RTN4IP1: variants seen among roughly 807,000 people sequenced by gnomAD.
RTN4IP1 encodes the protein NAD(P)H oxidoreductase RTN4IP1, mitochondrial.
Under a neutral mutation model 46.6 loss-of-function variants are expected in RTN4IP1, and 32 were observed. That is an observed-to-expected ratio of 0.69 (90% CI 0.52 to 0.92). The LOEUF (loss-of-function observed/expected upper bound fraction) is 0.92. RTN4IP1 is among the 40% of genes least tolerant of loss of function. The pLI is 0.00. For synonymous variants in RTN4IP1, 167 were observed against 161.8 expected (o/e 1.03, Z -0.24); for missense variants, 424 against 485.8 (o/e 0.87, Z 1.20).
chr6:106,604,224 A>G (rs144975914), intron 4 of RTN4IP1, among the ~76,000 whole-genome samples: 2 of 152,240 alleles, frequency 1.3e-5, no homozygotes, highest in East Asian at 3.9e-4. Flanking sequence ...TGTCACCCTT[A>G]TTTATAGCTT....
intron 4 of RTN4IP1, among the ~76,000 whole-genome samples, chr6:106,611,913 G>A (rs755134340): frequency 1.2e-4 from 19 of 152,304 alleles, no homozygotes; most frequent in African/African-American, 4.6e-4. Context: ...TGAAGACTTA[G>A]TTAACCCATA....
chr6:106,599,797 T>C (rs1361585374), intron 5 of RTN4IP1, among the ~76,000 whole-genome samples: 1 of 151,876 alleles, frequency 6.6e-6, no homozygotes, highest in East Asian at 1.9e-4. Context: ...TATATCTATC[T>C]ATAGGTTATA....
rs1775520740 is a variant in RTN4IP1 at position 106,587,726 on chromosome 6, C to T, written c.943G>A (p.Asp315Asn). The T allele has an allele frequency of 6.2e-7, 1 of 1,613,578 alleles. No individual in the cohort carries two copies. The highest frequency in any genetic ancestry group is 1.1e-5 in the South Asian group (1 of 91,058). ...LLNMDRLGIADGMLQTGVTVG... is the reference protein window; with the variant it reads ...LLNMDRLGIANGMLQTGVTVG... ...GTGACTCCTGTCTGCAACATGCCAT[C>T]TGCTATGCCCAATCGGTCCATGTTC... The change falls in exon 7 of 9, where the codon GAT (aspartate) becomes AAT (asparagine). Residue 315 changes from aspartate (D) to asparagine (N), a missense_variant. By Grantham distance (23) the Asp-to-Asn change is conservative. Coordinates refer to ENST00000369063, the MANE Select transcript of RTN4IP1 (RefSeq NM_032730.5).
chr6:106,619,606 ATTTTTTT>A (rs869120910), intron 3 of RTN4IP1, among the ~76,000 whole-genome samples: 2 of 110,474 alleles, frequency 1.8e-5, no homozygotes. Context: ...ACTTTTCTTC[ATTTTTTT>A]TTTTTTTTTT....
chr6:106,572,026 T>G lies in RTN4IP1; in HGVS notation c.1161A>C (p.Ala387=). ...CAACATTAATTACAGTCTTTCCTCG[T>G]GCGTGTCCTCTTTCCACCTTCAGGA... The part of the protein sequence containing the change: ...EAFLKVERGH[A]RGKTVINVV The change falls in exon 9 of 9, where the codon GCA becomes GCC. Residue 387 remains alanine, a synonymous_variant. Coordinates refer to ENST00000369063, the MANE Select transcript of RTN4IP1 (RefSeq NM_032730.5). The G allele has an allele frequency of 6.2e-7, 1 of 1,613,440 alleles. No homozygotes were observed. The highest frequency in any genetic ancestry group is 8.5e-7 in the Non-Finnish European group (1 of 1,179,392).
intron 7 of RTN4IP1, among the ~76,000 whole-genome samples, chr6:106,585,201 C>CACTGGCTCACACCTA (rs1358809834): frequency 2.0e-5 from 3 of 152,222 alleles, no homozygotes; most frequent in African/African-American, 4.8e-5. Flanking sequence ...AGGCCAGGCA[C>CACTGGCTCACACCTA]ACTGGCTCAC....
rs985402892 is a variant in RTN4IP1 at position 106,614,864 on chromosome 6, G to A, written c.620+4338C>T. ...AAGAGTAAATGACTTGTAACCTCAC[G>A]AGATAGTTAACCTAGTCACTTAGAA... On this transcript the variant is annotated intron_variant, in intron 4 of 8. Transcript: ENST00000369063. Among the ~76,000 whole-genome samples, 8 of 152,134 alleles carry A rather than the reference G, an allele frequency of 5.3e-5. 1 individual carries two copies. The highest frequency in any genetic ancestry group is 2.6e-4 in the Admixed American group (4 of 15,276).
intron 8 of RTN4IP1, among the ~76,000 whole-genome samples, chr6:106,581,733 T>C (rs1775376763): frequency 6.6e-6 from 1 of 152,196 alleles, no homozygotes; most frequent in Non-Finnish European, 1.5e-5. Flanking sequence ...CCAAATGTAA[T>C]AGGTAGATAT....
chr6:106,594,279 G>T (rs967663080), intron 5 of RTN4IP1, among the ~76,000 whole-genome samples: 1 of 152,168 alleles, frequency 6.6e-6, no homozygotes, highest in African/African-American at 2.4e-5. Context: ...AGGCTGAAAT[G>T]GATGGATCAC....
intron 6 of RTN4IP1, 27 bp from the exon 7 acceptor site, chr6:106,587,889 A>G (rs761253708): frequency 1.1e-5 from 17 of 1,588,026 alleles, no homozygotes; most frequent in Non-Finnish European, 1.5e-5. Flanking sequence ...AAATCAAAAC[A>G]TGGTTGTCAG....
chr6:106,628,458 A>G (rs1053873589), intron 1 of RTN4IP1, among the ~76,000 whole-genome samples: 1 of 151,248 alleles, frequency 6.6e-6, no homozygotes, highest in South Asian at 2.1e-4. Context: ...ACAGAGTGAG[A>G]CTCAGTCTCA....
At chr6:106,609,898 C>T (rs1040556175) in intron 4 of RTN4IP1, among the ~76,000 whole-genome samples, 14 of 151,322 alleles carry the variant, frequency 9.3e-5, no homozygotes, top group African/African-American at 2.9e-4. Context: ...CACCTGATGG[C>T]GACCCCAAGT....
rs527652027 is a variant in RTN4IP1, at chr6:106,619,173, T to C, written c.620+29A>G. The C allele has an allele frequency of 6.8e-6, 11 of 1,612,442 alleles. No homozygotes were observed. In the South Asian group the frequency reaches 1.1e-4, roughly 16 times the overall value. ...CTCACAGAAGGAAAGAAAAGAGGTT[T>C]AGATGCTGCCACTGACTGATACACT... is the stretch of plus-strand genomic sequence containing the variant. On this transcript the variant is annotated intron_variant, in intron 4 of 8. Coordinates refer to ENST00000369063, the MANE Select transcript of RTN4IP1 (RefSeq NM_032730.5).
At chr6:106,629,787 C>T (rs1776775862), upstream of RTN4IP1, 1 of 1,521,146 alleles carries the variant, frequency 6.6e-7, no homozygotes, top group African/African-American at 1.4e-5. Flanking sequence ...CTGGGCCTTA[C>T]CACGCATCTT....
chr6:106,624,030 G>A (rs929303266), intron 1 of RTN4IP1, among the ~76,000 whole-genome samples: 42 of 152,130 alleles, frequency 2.8e-4, no homozygotes, highest in Admixed American at 9.8e-4. Context: ...GTTCTGATGT[G>A]TAAAATCAAG....
At chr6:106,608,573 C>A (rs1361830147) in intron 4 of RTN4IP1, among the ~76,000 whole-genome samples, 4 of 152,094 alleles carry the variant, frequency 2.6e-5, no homozygotes, top group Non-Finnish European at 5.9e-5. Flanking sequence ...ACATGGTATC[C>A]ATGTATTGAA....
intron 4 of RTN4IP1, among the ~76,000 whole-genome samples, chr6:106,616,941 G>A (rs1776371271): frequency 6.6e-6 from 1 of 152,176 alleles, no homozygotes; most frequent in African/African-American, 2.4e-5. Context: ...AACCCCCAGG[G>A]TGATGGTATT....
At chr6:106,611,779 T>G (rs187038810) in intron 4 of RTN4IP1, among the ~76,000 whole-genome samples, 4 of 152,234 alleles carry the variant, frequency 2.6e-5, no homozygotes, top group Non-Finnish European at 5.9e-5. Flanking sequence ...GTAATGCATG[T>G]TGACATCCCC....
intron 6 of RTN4IP1, 75 bp from the exon 7 acceptor site, chr6:106,587,937 A>G: frequency 5.3e-6 from 7 of 1,318,100 alleles, no homozygotes; most frequent in Non-Finnish European, 7.2e-6. Context: ...CCCTTCCAGT[A>G]CCAGTTGGCT....
Sources: gnomAD v4.1 joint callset for allele counts (sites outside exome capture counted in the v4.1 genomes callset) on GRCh38, gnomAD v4.1.1 for gene constraint, MANE v1.5 for transcripts, NCBI Gene and HGNC (gene_info 2026-07-23, HGNC 2026-07-21) for gene names.